The following NKAIN2 variants were observed in gnomAD, a reference collection of about 807,000 sequenced individuals.
NKAIN2 encodes sodium/potassium-transporting ATPase subunit beta-1-interacting protein 2.
A neutral mutation model predicts 32.6 loss-of-function variants in NKAIN2; 14 were observed. The observed-to-expected ratio is 0.43, with a 90% CI of 0.28 to 0.67. NKAIN2 has a LOEUF of 0.67. Among genes scored for constraint, NKAIN2 ranks in the 30% least tolerant of loss-of-function variants. The pLI, the probability that NKAIN2 is intolerant of heterozygous loss-of-function variation, is 0.17. For synonymous variants in NKAIN2, 80 were observed against 87.2 expected (o/e 0.92, Z 0.46); for missense variants, 198 against 258.3 (o/e 0.77, Z 1.60).
intron 1 of NKAIN2, among the ~76,000 whole-genome samples, chr6:123,838,121 A>T (rs951670774): frequency 5.3e-4 from 81 of 152,248 alleles, no homozygotes; most frequent in African/African-American, 1.6e-3. Flanking sequence ...ATTCTTAGAA[A>T]ATATACACCA....
intron 1 of NKAIN2, among the ~76,000 whole-genome samples, chr6:124,261,578 G>T (rs1794248109): frequency 6.6e-6 from 1 of 152,084 alleles, no homozygotes; most frequent in Non-Finnish European, 1.5e-5. Flanking sequence ...ATGGCAATTT[G>T]AGGCCAGCAT....
intron 3 of NKAIN2, among the ~76,000 whole-genome samples, chr6:124,648,929 A>C (rs183899573): frequency 6.6e-6 from 1 of 152,352 alleles, no homozygotes; most frequent in Admixed American, 6.5e-5. Flanking sequence ...ATTGTAAAAT[A>C]TTTTGAACTA....
At chr6:124,333,974 AT>A (rs1324712582) in intron 2 of NKAIN2, among the ~76,000 whole-genome samples, 2 of 152,164 alleles carry the variant, frequency 1.3e-5, no homozygotes, top group African/African-American at 4.8e-5. Context: ...ACAGTTTTTT[AT>A]TTTAAATTGA....
At chr6:124,274,631 T>A (rs1441340740) in intron 1 of NKAIN2, among the ~76,000 whole-genome samples, 1 of 152,098 alleles carries the variant, frequency 6.6e-6, no homozygotes, top group African/African-American at 2.4e-5. Flanking sequence ...CCCTCATCTG[T>A]GCAATAAAGA....
intron 5 of NKAIN2, 64 bp downstream of exon 5, chr6:124,791,463 T>C (rs2114807833): frequency 9.2e-7 from 1 of 1,086,586 alleles, no homozygotes; most frequent in East Asian, 2.4e-5. Context: ...TGCCTCCTAC[T>C]TAGCCTTCCT....
chr6:124,179,142 C>G (rs963791976), intron 1 of NKAIN2, among the ~76,000 whole-genome samples: 1 of 152,126 alleles, frequency 6.6e-6, no homozygotes, highest in African/African-American at 2.4e-5. Context: ...AGATACTAAC[C>G]TGTAGGGATA....
At chr6:124,296,828 C>A (rs905125545) in intron 2 of NKAIN2, among the ~76,000 whole-genome samples, 4 of 152,130 alleles carry the variant, frequency 2.6e-5, no homozygotes, top group Non-Finnish European at 5.9e-5. Flanking sequence ...GACCCAGAAC[C>A]TTTACTGGGC....
chr6:124,220,053 A>C (rs1791728947), intron 1 of NKAIN2, among the ~76,000 whole-genome samples: 1 of 152,090 alleles, frequency 6.6e-6, no homozygotes, highest in Non-Finnish European at 1.5e-5. Flanking sequence ...TTGTGTCCCC[A>C]CCCAAATCTC....
chr6:124,603,735 A>G lies in NKAIN2; in HGVS notation c.274-54451A>G, dbSNP rs73772181. The stretch of plus-strand genomic sequence containing the variant: ...CTGATACACTGAGAGTTAAAGGGAC[A>G]AGAAAGTGGGAAATAGGGCTAACCA... On this transcript the variant is annotated intron_variant, in intron 3 of 6. Coordinates refer to ENST00000368417, the MANE Select transcript of NKAIN2 (RefSeq NM_001040214.3). 5.5e-3 allele frequency among the ~76,000 whole-genome samples: 842 copies of G among 152,074 alleles called. 12 individuals are homozygous for G. Among genetic ancestry groups the G allele is most frequent in the African/African-American group, 0.019 (800 of 41,530 alleles).
At chr6:124,214,711 CAACA>C (rs1314755045) in intron 1 of NKAIN2, among the ~76,000 whole-genome samples, 2 of 152,050 alleles carry the variant, frequency 1.3e-5, no homozygotes, top group East Asian at 1.9e-4. Context: ...AAAAACAAAA[CAACA>C]AACAAACAAA....
At chr6:124,759,689 C>T (rs939634508) in intron 4 of NKAIN2, among the ~76,000 whole-genome samples, 4 of 147,766 alleles carry the variant, frequency 2.7e-5, no homozygotes, top group East Asian at 4.3e-4. Flanking sequence ...TATTTTCCTC[C>T]GTCACACTTA....
intron 4 of NKAIN2, among the ~76,000 whole-genome samples, chr6:124,672,127 A>T (rs1773136149): frequency 6.6e-6 from 1 of 152,070 alleles, no homozygotes; most frequent in African/African-American, 2.4e-5. Context: ...ATTACATTTC[A>T]TAGTACTTTC....
In NKAIN2 at chr6:124,369,360, C is replaced by T. The variant is rs1184213447; in HGVS notation, c.273+14013C>T. 1.2e-4 allele frequency among the ~76,000 whole-genome samples: 19 copies of T among 152,124 alleles called. 1 individual carries two copies. The highest frequency in any genetic ancestry group is 4.8e-5 in the African/African-American group (2 of 41,428). ...ATTGAATTTTAAAAAATGGACACCA[C>T]TGTAATTTTCTGAAAACCTTGAAAT... On this transcript the variant is annotated intron_variant, in intron 3 of 6. Transcript: ENST00000368417.
At chr6:124,225,806 C>T (rs752502409) in intron 1 of NKAIN2, among the ~76,000 whole-genome samples, 2 of 151,838 alleles carry the variant, frequency 1.3e-5, no homozygotes, top group Non-Finnish European at 2.9e-5. Context: ...GCACAAATAC[C>T]TCTGAGACAA....
chr6:124,722,499 T>C (rs540140532), intron 4 of NKAIN2, among the ~76,000 whole-genome samples: 2 of 152,358 alleles, frequency 1.3e-5, no homozygotes, highest in Non-Finnish European at 2.9e-5. Context: ...GGGATGCAAC[T>C]GTTCCACCTT....
intron 1 of NKAIN2, among the ~76,000 whole-genome samples, chr6:124,099,006 T>C (rs948358860): frequency 6.6e-6 from 1 of 152,206 alleles, no homozygotes; most frequent in Non-Finnish European, 1.5e-5. Flanking sequence ...CCTATTTTCC[T>C]GTTCTGTCAT....
chr6:124,463,808 T>C (rs1776631801), intron 3 of NKAIN2, among the ~76,000 whole-genome samples: 1 of 152,158 alleles, frequency 6.6e-6, no homozygotes, highest in Non-Finnish European at 1.5e-5. Context: ...TAAGATGTTA[T>C]TGCTTTTCCA....
At chr6:123,833,647 G>A (rs1774477763) in intron 1 of NKAIN2, among the ~76,000 whole-genome samples, 1 of 146,190 alleles carries the variant, frequency 6.8e-6, no homozygotes, top group Non-Finnish European at 1.5e-5. Flanking sequence ...ATTTGTACCT[G>A]ATTTTATTTT....
intron 1 of NKAIN2, among the ~76,000 whole-genome samples, chr6:124,067,748 G>C (rs990488401): frequency 6.6e-6 from 1 of 152,076 alleles, no homozygotes; most frequent in South Asian, 2.1e-4. Flanking sequence ...GATATGTTTT[G>C]TCTTGAACGT....
Sources: allele counts gnomAD v4.1 joint callset (sites outside exome capture counted in the v4.1 genomes callset), GRCh38; gene constraint gnomAD v4.1.1; transcripts MANE v1.5; gene names NCBI Gene and HGNC (gene_info 2026-07-23, HGNC 2026-07-21).